The following NXT2 variants were observed in gnomAD, a reference collection of about 807,000 sequenced individuals.
NXT2 encodes the protein nuclear transport factor 2 like export factor 2, also known as NTF2-related export protein 2.
A neutral mutation model predicts 9.6 loss-of-function variants in NXT2; 1 was observed. The observed-to-expected ratio is 0.10, with a 90% confidence interval of 0.04 to 0.49. The LOEUF (loss-of-function observed/expected upper bound fraction) is 0.49. Ranked by LOEUF, NXT2 falls within the 20% of genes least tolerant of loss-of-function variation. The probability of loss-of-function intolerance (pLI) is 0.95; values close to 1 mark genes in which losing one functional copy is unlikely to be tolerated. For synonymous variants in NXT2, 22 were observed against 35.4 expected, an observed-to-expected ratio of 0.62 and a Z score of 1.34; for missense variants, 48 against 100.3, an observed-to-expected ratio of 0.48 and a Z score of 2.23.
intron 2 of NXT2, among the ~76,000 whole-genome samples, chrX:109,540,518 G>C (rs1219330045): frequency 9.1e-6 from 1 of 109,637 alleles, no homozygotes; most frequent in African/African-American, 3.3e-5. Flanking sequence ...AGTAGAGATG[G>C]GGTTTCACCA....
chrX:109,536,514 C>T (rs3761511), upstream of NXT2: 52,351 of 126,199 alleles, frequency 0.41, 8,567 homozygotes, highest in African/African-American at 0.6. Context: ...TCACTAGTCA[C>T]GCACGCCTTT....
intron 2 of NXT2, among the ~76,000 whole-genome samples, chrX:109,538,370 T>G (rs1053028115): frequency 8.9e-6 from 1 of 111,901 alleles, no homozygotes; most frequent in African/African-American, 3.3e-5. Context: ...CATTTTCCCT[T>G]AACCTCATTT....
At position 109,536,926 on chromosome X, in the gene NXT2, TC is replaced by T. The variant is rs774785226; in HGVS notation, c.-80del. On this transcript the variant is annotated 5_prime_UTR_variant, in exon 1 of 4. Coordinates refer to ENST00000372106, the MANE Select transcript of NXT2 (RefSeq NM_001242617.2). ...GTTTCGCTCTCTTCATAAGTATTGATCATTCCGCAGCCCTGCGGACCGGACA... is the reference window on the plus strand; with the variant it reads ...GTTTCGCTCTCTTCATAAGTATTGATATTCCGCAGCCCTGCGGACCGGACA... 2.5e-6 allele frequency: 3 copies of T among 1,208,653 alleles called. No individual in the cohort carries two copies. The highest frequency in any genetic ancestry group is 3.4e-6 in the Non-Finnish European group (3 of 894,573).
At chrX:109,540,838 G>C (rs952245945) in intron 2 of NXT2, among the ~76,000 whole-genome samples, 5 of 111,601 alleles carry the variant, frequency 4.5e-5, no homozygotes, top group African/African-American at 1.3e-4. Flanking sequence ...TGTAACCCCA[G>C]CTACTTGGGA....
chrX:109,537,446 A>G (rs1933307033), intron 1 of NXT2: 1 of 667,322 alleles, frequency 1.5e-6, no homozygotes, highest in Admixed American at 8.8e-5. Context: ...GAACGCCAAC[A>G]GCGTTGCTTT....
chrX:109,542,085 C>T (rs1410603877), intron 3 of NXT2, among the ~76,000 whole-genome samples: 2 of 111,259 alleles, frequency 1.8e-5, no homozygotes, highest in Non-Finnish European at 3.8e-5. Context: ...TTAATAAAAC[C>T]TCTAGGTGGG....
intron 1 of NXT2, 115 bp from the exon 2 acceptor site, chrX:109,537,930 A>G (rs1345638093): frequency 4.5e-6 from 2 of 446,085 alleles, no homozygotes; most frequent in Non-Finnish European, 7.8e-6. Context: ...AAGAATGTGG[A>G]CTGTATATAG....
intron 2 of NXT2, among the ~76,000 whole-genome samples, chrX:109,539,410 A>C (rs1194886690): frequency 9.0e-6 from 1 of 111,007 alleles, no homozygotes; most frequent in Non-Finnish European, 1.9e-5. Context: ...TGCTGGGTCA[A>C]ATGGTATTTC....
At chrX:109,535,941 G>T (rs771849323), upstream of NXT2, 2 of 1,205,585 alleles carry the variant, frequency 1.7e-6, no homozygotes, top group Non-Finnish European at 2.2e-6. Context: ...CAAAGAAGAA[G>T]TAACTATTAT....
chrX:109,538,177 A>G lies in NXT2; in HGVS notation c.102+46A>G, dbSNP rs370579671. On this transcript the variant is annotated intron_variant, in intron 2 of 3. Transcript: ENST00000372106. ...TACTCTTTATAGACTACTACTCTTT[A>G]TTAAATACCAGGTTGTGTCTGGAGC... 8 of 782,223 alleles carry G rather than the reference A, an allele frequency of 1.0e-5. No individual in the cohort carries two copies. In the African/African-American group the frequency reaches 1.5e-4, roughly 14 times the overall value. The allele number at this position is 782,223 out of a possible 1,213,427, so 64.5% of individuals were successfully genotyped here.
upstream of NXT2, chrX:109,536,746 C>A (rs1933281803): frequency 1.2e-6 from 1 of 809,050 alleles, no homozygotes; most frequent in Non-Finnish European, 1.6e-6. Context: ...AAATTTTAAA[C>A]TAAGTATCAA....
At chrX:109,537,190 A>C (rs1036817929) in intron 1 of NXT2, 169 bp downstream of exon 1, 1 of 1,037,483 alleles carries the variant, frequency 9.6e-7, no homozygotes, top group Non-Finnish European at 1.2e-6. Context: ...TGCCGGCCCC[A>C]CCCCCAGCCT....
Position 109,542,613 on chromosome X carries a change from T to G in NXT2, c.354T>G (p.Ala118=). ...HFFNQNFLLT[A]QSTPNNTVWK... The stretch of plus-strand genomic sequence containing the variant: ...TCAACCAGAACTTCCTGCTGACTGC[T>G]CAGTCCACTCCCAACAATACTGTGT... Residue 118 remains alanine (A), a synonymous_variant, in exon 4 of 4, where the codon GCT becomes GCG. Coordinates refer to ENST00000372106, the MANE Select transcript of NXT2 (RefSeq NM_001242617.2). 8.3e-7 allele frequency: 1 copy of G among 1,207,921 alleles called. No individual in the cohort carries two copies. Among genetic ancestry groups the G allele is most frequent in the Non-Finnish European group, 1.1e-6 (1 of 892,862 alleles).
upstream of NXT2, chrX:109,536,781 G>A (rs1283083151): frequency 4.1e-6 from 4 of 973,195 alleles, no homozygotes; most frequent in African/African-American, 4.0e-5. Context: ...TGGATGGGAG[G>A]GATCTTCAGG....
Position 109,538,156 on chromosome X carries a change from C to T in NXT2, c.102+25C>T, listed in dbSNP as rs747206843. 3.4e-6 allele frequency: 3 copies of T among 889,315 alleles called. No homozygotes were observed. The African/African-American group carries it at 5.9e-5, about 18-fold the overall frequency. 73.3% of individuals were successfully genotyped at this position (889,315 alleles called of 1,213,427 possible). A position where few individuals can be genotyped will look rare whatever the true frequency, so the allele number is the denominator to read the frequency against. ...GGTGAGTGTTATAGACTCTACTACT[C>T]TTTATAGACTACTACTCTTTATTAA... On this transcript the variant is annotated intron_variant, in intron 2 of 3. Transcript: ENST00000372106.
chrX:109,539,376 T>C (rs182178861), intron 2 of NXT2, among the ~76,000 whole-genome samples: 2 of 112,272 alleles, frequency 1.8e-5, no homozygotes, highest in African/African-American at 6.5e-5. Context: ...TATAATACTT[T>C]GGGTATATAC....
chrX:109,537,137 C>A lies in NXT2; in HGVS notation c.15+116C>A, dbSNP rs1346235039. The A allele has an allele frequency of 6.4e-6, 7 of 1,093,394 alleles. No individual in the cohort carries two copies. The Admixed American group carries it at 2.3e-4, about 35-fold the overall frequency. The allele number at this position is 1,093,394 out of a possible 1,213,427, so 90.1% of individuals were successfully genotyped here. A position where few individuals can be genotyped will look rare whatever the true frequency, so the allele number is the denominator to read the frequency against. On this transcript the variant is annotated intron_variant, in intron 1 of 3. Coordinates refer to ENST00000372106, the MANE Select transcript of NXT2 (RefSeq NM_001242617.2). Reference sequence around the variant, plus strand: ...GGATAGGTGACGAATCACGTCCCGGCTCTCTGCACTGCGGGGCGGGGCCCA... The same window carrying A: ...GGATAGGTGACGAATCACGTCCCGGATCTCTGCACTGCGGGGCGGGGCCCA...
Position 109,541,504 on chromosome X carries a change from C to T in NXT2, c.132C>T (p.Ala44=), listed in dbSNP as rs760308245. Residue 44 remains alanine (A), a synonymous_variant, in exon 3 of 4, where the codon GCC becomes GCT. Coordinates refer to ENST00000372106, the MANE Select transcript of NXT2 (RefSeq NM_001242617.2). ...RALTRLYLDK[A]TLIWNGNAVS... ...TAACCAGGCTGTATCTGGACAAGGC[C>T]ACCTTAATATGGAATGGAAATGCTG... The T allele has an allele frequency of 1.0e-5, 12 of 1,203,076 alleles. No individual in the cohort carries two copies. Among genetic ancestry groups the T allele is most frequent in the African/African-American group, 1.8e-5 (1 of 57,096 alleles).
Position 109,536,942 on chromosome X carries a change from C to CGGACCGGACACGTGA in NXT2, c.-61_-47dup. The CGGACCGGACACGTGA allele has an allele frequency of 8.3e-7, 1 of 1,211,037 alleles. No homozygotes were observed. Among genetic ancestry groups the CGGACCGGACACGTGA allele is most frequent in the Non-Finnish European group, 1.1e-6 (1 of 895,111 alleles). On this transcript the variant is annotated 5_prime_UTR_variant, in exon 1 of 4. Coordinates refer to ENST00000372106, the MANE Select transcript of NXT2 (RefSeq NM_001242617.2). Reference sequence around the variant, plus strand: ...AAGTATTGATCATTCCGCAGCCCTGCGGACCGGACACGTGAGGAGGTAGTG... The same window carrying CGGACCGGACACGTGA: ...AAGTATTGATCATTCCGCAGCCCTGCGGACCGGACACGTGAGGACCGGACACGTGAGGAGGTAGTG...
Sources: allele counts gnomAD v4.1 joint callset (sites outside exome capture counted in the v4.1 genomes callset), GRCh38; gene constraint gnomAD v4.1.1; transcripts MANE v1.5; gene names NCBI Gene and HGNC (gene_info 2026-07-23, HGNC 2026-07-21).